CNTN4: variants seen among roughly 807,000 people sequenced by gnomAD.
CNTN4 encodes contactin 4, also known as contactin-4.
CNTN4 carries 77 observed loss-of-function variants against 122.5 expected under a neutral mutation model. The ratio of observed to expected loss-of-function variants is 0.63; its 90% confidence interval spans 0.52 to 0.76. The LOEUF (loss-of-function observed/expected upper bound fraction) is 0.76. CNTN4 is among the 30% of genes least tolerant of loss of function. The pLI is 0.00. For synonymous variants in CNTN4, 512 were observed against 447.0 expected, an observed-to-expected ratio of 1.15 and a Z score of -1.83; for missense variants, 1,256 against 1,259.1, an observed-to-expected ratio of 1.00 and a Z score of 0.04.
At chr3:2,477,754 C>G (rs1480239146) in intron 3 of CNTN4, among the ~76,000 whole-genome samples, 1 of 152,306 alleles carries the variant, frequency 6.6e-6, no homozygotes, top group African/African-American at 2.4e-5. Flanking sequence ...TATTTTCGCT[C>G]TAATCCTTTG....
intron 4 of CNTN4, among the ~76,000 whole-genome samples, chr3:2,685,722 C>A (rs2037187): frequency 0.78 from 118,677 of 151,966 alleles, 46,433 homozygotes; most frequent in East Asian, 0.8. Flanking sequence ...TGAAGCATGA[C>A]ACTTATCTGT....
chr3:2,876,322 C>G (rs907761880), intron 8 of CNTN4, among the ~76,000 whole-genome samples: 1 of 152,108 alleles, frequency 6.6e-6, no homozygotes, highest in African/African-American at 2.4e-5. Flanking sequence ...TGCCTTTTTT[C>G]AAAAGGGCAA....
At chr3:2,108,374 A>G (rs1170453684) in intron 2 of CNTN4, among the ~76,000 whole-genome samples, 1 of 152,102 alleles carries the variant, frequency 6.6e-6, no homozygotes, top group Non-Finnish European at 1.5e-5. Context: ...CACTGATATA[A>G]TATCTGTCAT....
chr3:2,162,871 T>TG (rs1392890232), intron 2 of CNTN4, among the ~76,000 whole-genome samples: 2 of 151,208 alleles, frequency 1.3e-5, no homozygotes, highest in Non-Finnish European at 3.0e-5. Flanking sequence ...CAGAGGCGGG[T>TG]GGGTGGCTTG....
intron 2 of CNTN4, among the ~76,000 whole-genome samples, chr3:2,316,547 C>T (rs1255501781): frequency 1.3e-5 from 2 of 152,108 alleles, no homozygotes; most frequent in African/African-American, 2.4e-5. Context: ...TCCTGCAAGA[C>T]TGAGGCATAA....
At chr3:2,293,197 A>G (rs528963312) in intron 2 of CNTN4, among the ~76,000 whole-genome samples, 21 of 152,308 alleles carry the variant, frequency 1.4e-4, no homozygotes, top group Admixed American at 7.8e-4. Flanking sequence ...CATTTTTCAA[A>G]CATATTTTTG....
intron 13 of CNTN4, among the ~76,000 whole-genome samples, chr3:2,942,437 G>A (rs2094625035): frequency 6.6e-6 from 1 of 152,156 alleles, no homozygotes; most frequent in Admixed American, 6.5e-5. Context: ...AAAAACAATT[G>A]TTTGTCCAAT....
intron 13 of CNTN4, among the ~76,000 whole-genome samples, chr3:2,952,928 AC>A: frequency 6.6e-6 from 1 of 152,216 alleles, no homozygotes; most frequent in Non-Finnish European, 1.5e-5. Flanking sequence ...TTTTACATAT[AC>A]TGTACCTTGT....
At chr3:2,703,246 C>T (rs537627790) in intron 4 of CNTN4, among the ~76,000 whole-genome samples, 4 of 152,060 alleles carry the variant, frequency 2.6e-5, no homozygotes, top group Non-Finnish European at 5.9e-5. Flanking sequence ...GTACCTGGTG[C>T]AGAGCTAAGA....
In CNTN4 at chr3:2,456,480, A is replaced by G. The variant is rs771479065; in HGVS notation, c.-88-114936A>G. ...TCCTAAAATATTTTCATCACCTTCA[A>G]ATAAAACCCCATTCCCGTTAAGGAG... On this transcript the variant is annotated intron_variant, in intron 3 of 24. Transcript: ENST00000418658. Among the ~76,000 whole-genome samples, 6 of 152,196 alleles carry G rather than the reference A, an allele frequency of 3.9e-5. No homozygotes were observed. In the East Asian group the frequency reaches 5.8e-4, roughly 15 times the overall value.
At position 2,399,655 on chromosome 3, in the gene CNTN4, A is replaced by G. The variant is rs189026822; in HGVS notation, c.-89+60422A>G. Among the ~76,000 whole-genome samples, 836 of 152,182 alleles carry G rather than the reference A, an allele frequency of 5.5e-3. 1 individual carries two copies. Among genetic ancestry groups the G allele is most frequent in the Non-Finnish European group, 8.7e-3 (592 of 67,970 alleles). ...GTAAGATACTTGGAATTCACCCTCC[A>G]TATACTAAATGCTCAATAAATCTAC... is the stretch of plus-strand genomic sequence containing the variant. On this transcript the variant is annotated intron_variant, in intron 3 of 24. Transcript: ENST00000418658.
At chr3:2,830,747 A>C (rs1160605) in intron 7 of CNTN4, among the ~76,000 whole-genome samples, 2 of 151,946 alleles carry the variant, frequency 1.3e-5, no homozygotes, top group African/African-American at 4.8e-5. Flanking sequence ...TGCTGGAAAT[A>C]TACCCTGTGA....
At chr3:2,251,501 A>G (rs575126558) in intron 2 of CNTN4, among the ~76,000 whole-genome samples, 2 of 152,084 alleles carry the variant, frequency 1.3e-5, no homozygotes, top group East Asian at 3.9e-4. Flanking sequence ...GTCTTTGCAT[A>G]ATCAACGTCA....
chr3:2,121,940 C>T (rs373210922), intron 2 of CNTN4, among the ~76,000 whole-genome samples: 5 of 151,908 alleles, frequency 3.3e-5, no homozygotes, highest in East Asian at 1.9e-4. Context: ...CCGAGGTGGG[C>T]GGATCACGAG....
At chr3:2,255,619 T>G (rs892955187) in intron 2 of CNTN4, among the ~76,000 whole-genome samples, 1 of 152,106 alleles carries the variant, frequency 6.6e-6, no homozygotes, top group Non-Finnish European at 1.5e-5. Context: ...AAATTAGAAC[T>G]CAGGATTAAG....
At chr3:2,723,576 G>A (rs554996385) in intron 4 of CNTN4, among the ~76,000 whole-genome samples, 22 of 152,282 alleles carry the variant, frequency 1.4e-4, no homozygotes, top group African/African-American at 4.3e-4. Flanking sequence ...GGACAAAAAG[G>A]CAAGAGGGTT....
At chr3:2,906,206 TGTC>T (rs1177849075) in intron 12 of CNTN4, among the ~76,000 whole-genome samples, 1 of 152,088 alleles carries the variant, frequency 6.6e-6, no homozygotes, top group Non-Finnish European at 1.5e-5. Context: ...GTTGGGAAGA[TGTC>T]GTTCAAAGAA....
chr3:3,000,644 G>A (rs1695940922), intron 14 of CNTN4, among the ~76,000 whole-genome samples: 1 of 152,188 alleles, frequency 6.6e-6, no homozygotes, highest in Admixed American at 6.5e-5. Flanking sequence ...ACAAGTGTGT[G>A]GTTTGAGTAG....
chr3:2,370,474 G>A (rs2045589656), intron 3 of CNTN4, among the ~76,000 whole-genome samples: 1 of 152,104 alleles, frequency 6.6e-6, no homozygotes, highest in South Asian at 2.1e-4. Context: ...AAATGAGCAT[G>A]GATAGAGGAG....
Sources: allele counts gnomAD v4.1 joint callset (sites outside exome capture counted in the v4.1 genomes callset), GRCh38; gene constraint gnomAD v4.1.1; transcripts MANE v1.5; gene names NCBI Gene and HGNC (gene_info 2026-07-23, HGNC 2026-07-21).